Variants in STPG1 observed in about 807,000 individuals in gnomAD.
STPG1 encodes the protein O(6)-methylguanine-induced apoptosis 2.
Under a neutral mutation model 40.1 loss-of-function variants are expected in STPG1, and 33 were observed. The ratio of observed to expected loss-of-function variants is 0.82; its 90% CI spans 0.62 to 1.10. STPG1 has a LOEUF of 1.10. STPG1 is among the 50% of genes least tolerant of loss of function. The probability of loss-of-function intolerance (pLI) is 0.00; values close to 1 mark genes in which losing one functional copy is unlikely to be tolerated. For synonymous variants in STPG1, 150 were observed against 155.0 expected, an observed-to-expected ratio of 0.97 and a Z score of 0.24; for missense variants, 396 against 415.1, an observed-to-expected ratio of 0.95 and a Z score of 0.40.
intron 7 of STPG1, 54 bp downstream of exon 7, chr1:24,369,620 G>A: frequency 6.5e-7 from 1 of 1,536,064 alleles, no homozygotes; most frequent in Non-Finnish European, 8.8e-7. Flanking sequence ...TCTATGTTGG[G>A]CTTCTTCCCC....
chr1:24,387,091 A>G (rs866358672), intron 3 of STPG1, among the ~76,000 whole-genome samples: 2 of 152,174 alleles, frequency 1.3e-5, no homozygotes, highest in African/African-American at 4.8e-5. Context: ...ACAAACCTTC[A>G]GAGTGGGACT....
rs556343979 is a variant in STPG1 at position 24,363,074 on chromosome 1, C to T, written c.738-2033G>A. ...GAAATTACAGCTGGAACAAATCAACCATTATATGAGGTCACCCCATCACTG... is the reference window on the plus strand; with the variant it reads ...GAAATTACAGCTGGAACAAATCAACTATTATATGAGGTCACCCCATCACTG... On this transcript the variant is annotated intron_variant, in intron 7 of 8. Coordinates refer to ENST00000337248, the MANE Select transcript of STPG1 (RefSeq NM_001199013.2). 3.9e-5 allele frequency among the ~76,000 whole-genome samples: 6 copies of T among 152,262 alleles called. No individual in the cohort carries two copies. The South Asian group carries it at 1.2e-3, about 32-fold the overall frequency.
chr1:24,386,961 A>T (rs1364427621), intron 3 of STPG1, among the ~76,000 whole-genome samples: 1 of 152,178 alleles, frequency 6.6e-6, no homozygotes, highest in Admixed American at 6.5e-5. Flanking sequence ...GGGTCAATAC[A>T]CATAAAGTGG....
chr1:24,359,025 G>A lies in STPG1; in HGVS notation c.929-406C>T, dbSNP rs1256948148. Among the ~76,000 whole-genome samples the A allele has an allele frequency of 6.6e-6, 1 of 152,180 alleles. No individual in the cohort carries two copies. Among genetic ancestry groups the A allele is most frequent in the Non-Finnish European group, 1.5e-5 (1 of 68,032 alleles). On this transcript the variant is annotated intron_variant, in intron 8 of 8. Coordinates refer to ENST00000337248, the MANE Select transcript of STPG1 (RefSeq NM_001199013.2). This position sits in a 1 kb window ranked among gnomAD's most constrained non-coding sequence, Gnocchi z 5.3. ...GCGGACATGGTTCTATAGGAGATGA[G>A]CAGGGCTTGGGAACTGTAGCCCCAG...
intron 5 of STPG1, among the ~76,000 whole-genome samples, chr1:24,377,445 A>AG (rs1362433134): frequency 6.6e-6 from 1 of 151,948 alleles, no homozygotes; most frequent in Non-Finnish European, 1.5e-5. Context: ...ACCTTCCTGA[A>AG]GGTCCTCGTG....
At chr1:24,360,216 G>A (rs946824283) in intron 8 of STPG1, among the ~76,000 whole-genome samples, 52 of 152,308 alleles carry the variant, frequency 3.4e-4, no homozygotes, top group Middle Eastern at 3.4e-3. Context: ...AGGCCAAGAC[G>A]GGCAGACCAG....
At chr1:24,403,988 A>C (rs1304759171) in intron 1 of STPG1, among the ~76,000 whole-genome samples, 1 of 152,186 alleles carries the variant, frequency 6.6e-6, no homozygotes, top group African/African-American at 2.4e-5. Flanking sequence ...AATACTGAAC[A>C]GAAGTGACAA....
chr1:24,392,506 C>T (rs1392681430), intron 2 of STPG1, among the ~76,000 whole-genome samples: 1 of 152,238 alleles, frequency 6.6e-6, no homozygotes, highest in African/African-American at 2.4e-5. Flanking sequence ...GAGCTCCCTC[C>T]TGTGGCACCA....
chr1:24,390,404 A>G (rs781621592), intron 3 of STPG1, among the ~76,000 whole-genome samples: 8 of 152,156 alleles, frequency 5.3e-5, no homozygotes, highest in Admixed American at 6.5e-5. Context: ...CAGGAATATG[A>G]TAACACATTG....
At chr1:24,358,705 G>C in intron 8 of STPG1, 86 bp from the exon 9 acceptor site, 1 of 1,079,546 alleles carries the variant, frequency 9.3e-7, no homozygotes, top group South Asian at 1.4e-5. Flanking sequence ...AGCTGGAAAG[G>C]CCTGGGGACC....
chr1:24,374,461 A>G (rs1165600912), intron 5 of STPG1, among the ~76,000 whole-genome samples: 1 of 151,694 alleles, frequency 6.6e-6, no homozygotes, highest in Admixed American at 6.6e-5. Flanking sequence ...GGGTTTCACC[A>G]TGTTAACCAG....
chr1:24,410,848 T>G (rs892589154), intron 1 of STPG1: 5 of 151,978 alleles, frequency 3.3e-5, no homozygotes, highest in Non-Finnish European at 7.3e-5. Flanking sequence ...TATACCACTT[T>G]CCGAATCAAC....
At chr1:24,390,571 A>G (rs1437350562) in intron 3 of STPG1, among the ~76,000 whole-genome samples, 2 of 151,922 alleles carry the variant, frequency 1.3e-5, no homozygotes, top group African/African-American at 4.8e-5. Flanking sequence ...GGTGTGCGCC[A>G]CCACTCCCAG....
intron 1 of STPG1, among the ~76,000 whole-genome samples, chr1:24,413,066 T>C (rs1219176077): frequency 6.6e-6 from 1 of 152,246 alleles, no homozygotes; most frequent in Non-Finnish European, 1.5e-5. Context: ...GATTTTTATC[T>C]ACTCAGTTAT....
intron 3 of STPG1, among the ~76,000 whole-genome samples, chr1:24,384,391 G>A (rs933486046): frequency 2.0e-4 from 30 of 152,188 alleles, no homozygotes; most frequent in African/African-American, 4.6e-4. Flanking sequence ...AAGGGTGAGC[G>A]ATTTCATGTT....
At chr1:24,396,166 A>G (rs956488642) in intron 2 of STPG1, among the ~76,000 whole-genome samples, 7 of 152,166 alleles carry the variant, frequency 4.6e-5, no homozygotes, top group Non-Finnish European at 1.0e-4. Context: ...GTAGACCATG[A>G]TAAGTTAAAG....
intron 3 of STPG1, among the ~76,000 whole-genome samples, chr1:24,388,322 T>C (rs1265372648): frequency 6.6e-6 from 1 of 152,232 alleles, no homozygotes; most frequent in African/African-American, 2.4e-5. Context: ...GGCAGGCTGC[T>C]GGGCCATGCT....
intron 5 of STPG1, among the ~76,000 whole-genome samples, chr1:24,378,081 G>T (rs1311383728): frequency 6.6e-6 from 1 of 152,102 alleles, no homozygotes; most frequent in Non-Finnish European, 1.5e-5. Flanking sequence ...GAGTTGGACT[G>T]CCCAGTATAG....
At chr1:24,362,832 G>A (rs1009992172) in intron 7 of STPG1, among the ~76,000 whole-genome samples, 2 of 152,182 alleles carry the variant, frequency 1.3e-5, no homozygotes, top group Non-Finnish European at 2.9e-5. Context: ...CTTATATTTA[G>A]AACAAAGGTA....
Sources: allele counts gnomAD v4.1 joint callset (sites outside exome capture counted in the v4.1 genomes callset), GRCh38; gene constraint gnomAD v4.1.1; non-coding constraint Gnocchi (gnomAD v3.1); transcripts MANE v1.5; gene names NCBI Gene and HGNC (gene_info 2026-07-23, HGNC 2026-07-21).